NF1: variants seen among roughly 807,000 people sequenced by gnomAD.
NF1 encodes neurofibromin.
Under a neutral mutation model 325.7 loss-of-function variants are expected in NF1, and 122 were observed. The observed-to-expected ratio is 0.37, with a 90% CI of 0.32 to 0.44. The LOEUF is 0.44. NF1 is among the 20% of genes least tolerant of loss of function. The pLI, the probability that NF1 is intolerant of heterozygous loss-of-function variation, is 1.00. For missense variants in NF1, 2,140 were observed against 3,415.4 expected (o/e 0.63, Z 9.31); for synonymous variants, 1,091 against 1,186.0 (o/e 0.92, Z 1.65).
chr17:31,200,047 A>C (rs1290940365), intron 8 of NF1, among the ~76,000 whole-genome samples: 1 of 151,958 alleles, frequency 6.6e-6, no homozygotes, highest in Non-Finnish European at 1.5e-5. Flanking sequence ...GAGGCGGGAG[A>C]ATCGCTTGAC....
At chr17:31,096,730 A>G (rs1461687346) in intron 1 of NF1, among the ~76,000 whole-genome samples, 24 of 152,188 alleles carry the variant, frequency 1.6e-4, no homozygotes, top group Admixed American at 1.6e-3. Flanking sequence ...ATATCTTGGA[A>G]TAGACAGAGG....
chr17:31,364,949 T>C (rs1433303690), intron 57 of NF1, among the ~76,000 whole-genome samples: 1 of 152,192 alleles, frequency 6.6e-6, no homozygotes, highest in Non-Finnish European at 1.5e-5. Context: ...ATGATCCTTA[T>C]TAGGTCCAGT....
chr17:31,296,503 C>T lies in NF1; in HGVS notation c.4836-29317C>T. On this transcript the variant is annotated intron_variant, in intron 36 of 57. Coordinates refer to ENST00000358273, the MANE Select transcript of NF1 (RefSeq NM_001042492.3). Reference sequence around the variant, plus strand: ...ACAAAGCTCCCCTTCATTTATAGTCCAAATGCTTAATCCTTCAATTGGGCT... The same window carrying T: ...ACAAAGCTCCCCTTCATTTATAGTCTAAATGCTTAATCCTTCAATTGGGCT... The T allele has an allele frequency of 4.9e-5, 33 of 675,304 alleles. No individual in the cohort carries two copies. In the South Asian group the frequency reaches 5.3e-4, roughly 11 times the overall value. The allele number at this position is 675,304 out of a possible 1,614,324, so 41.8% of individuals were successfully genotyped here.
intron 36 of NF1, chr17:31,321,601 A>G (rs764711237): frequency 3.3e-5 from 5 of 152,158 alleles, no homozygotes; most frequent in Non-Finnish European, 5.9e-5. Flanking sequence ...ATGAGCCTTA[A>G]AGTAAATCTG....
intron 1 of NF1, among the ~76,000 whole-genome samples, chr17:31,139,460 A>G (rs990806427): frequency 1.3e-5 from 2 of 151,966 alleles, no homozygotes; most frequent in Admixed American, 6.6e-5. Flanking sequence ...TAATCATTTC[A>G]GAATGTATAC....
Position 31,325,836 on chromosome 17 carries a change from A to T in NF1, c.4852A>T (p.Ile1618Phe), listed in dbSNP as rs1208118952. 6.2e-7 allele frequency: 1 copy of T among 1,614,150 alleles called. No homozygotes were observed. The highest frequency in any genetic ancestry group is 8.5e-7 in the Non-Finnish European group (1 of 1,180,002). ...YVARRFKTGQ[I>F]NGDLLIYHVL... ...TTTCCTTAGGTTCAAAACTGGTCAAATCAATGGTGATTTGCTGATATACCA... is the reference window on the plus strand; with the variant it reads ...TTTCCTTAGGTTCAAAACTGGTCAATTCAATGGTGATTTGCTGATATACCA... The change falls in exon 37 of 58, where the codon ATC becomes TTC. Residue 1618 changes from isoleucine to phenylalanine, a missense_variant. Ile to Phe is a conservative substitution (Grantham distance 21). Coordinates refer to ENST00000358273, the MANE Select transcript of NF1 (RefSeq NM_001042492.3).
chr17:31,232,779 C>G lies in NF1; in HGVS notation c.3394C>G (p.Arg1132Gly), dbSNP rs587781725. The G allele has an allele frequency of 4.3e-6, 7 of 1,613,752 alleles. No homozygotes were observed. Among genetic ancestry groups the G allele is most frequent in the Non-Finnish European group, 5.9e-6 (7 of 1,179,918 alleles). Reference protein sequence around the residue: ...DESAQTGGRKRGMSRRLASLR... With the variant: ...DESAQTGGRKGGMSRRLASLR... ...AAGTGCGCAAACAGGTGGCAGGAAA[C>G]GTGGCATGTCTCGGAGGCTGGCATC... Residue 1132 changes from arginine to glycine, a missense_variant, in exon 26 of 58, where the codon CGT becomes GGT. Physicochemically the swap from Arg to Gly is moderately radical, Grantham distance 125 (BLOSUM62 -2). Transcript: ENST00000358273.
chr17:31,206,488 C>T (rs2066625936), intron 12 of NF1, 117 bp downstream of exon 12: 2 of 1,197,186 alleles, frequency 1.7e-6, no homozygotes, highest in African/African-American at 1.5e-5. Context: ...CCTTCATTTC[C>T]TCTAAATGTT....
At chr17:31,100,348 A>G (rs1174438951) in intron 1 of NF1, among the ~76,000 whole-genome samples, 2 of 152,154 alleles carry the variant, frequency 1.3e-5, no homozygotes, top group Non-Finnish European at 2.9e-5. Flanking sequence ...TGGATTTAAA[A>G]AATATCTCCT....
intron 36 of NF1, chr17:31,305,454 T>TGTTG: frequency 6.2e-7 from 1 of 1,614,184 alleles, no homozygotes; most frequent in Non-Finnish European, 8.5e-7. Flanking sequence ...AAGGATTCCC[T>TGTTG]GTTGTGTTTT....
chr17:31,143,767 A>G (rs779125540), intron 1 of NF1, among the ~76,000 whole-genome samples: 2 of 152,062 alleles, frequency 1.3e-5, no homozygotes, highest in Admixed American at 6.6e-5. Context: ...AGAGCTTAAC[A>G]GTATATTTCA....
intron 36 of NF1, among the ~76,000 whole-genome samples, chr17:31,316,815 T>C (rs1216089263): frequency 6.6e-6 from 1 of 152,226 alleles, no homozygotes; most frequent in Non-Finnish European, 1.5e-5. Flanking sequence ...ATAGATTTGT[T>C]TTTTACAAAT....
chr17:31,270,539 G>A (rs1218951496), intron 36 of NF1, among the ~76,000 whole-genome samples: 1 of 150,464 alleles, frequency 6.6e-6, no homozygotes, highest in Non-Finnish European at 1.5e-5. Flanking sequence ...GATCCTGGGA[G>A]GTCAAGACTG....
intron 8 of NF1, among the ~76,000 whole-genome samples, chr17:31,197,350 T>C (rs1371607254): frequency 6.6e-6 from 1 of 151,262 alleles, no homozygotes; most frequent in South Asian, 2.1e-4. Context: ...CTGGCTTTTT[T>C]TTTTTTTTTT....
chr17:31,313,784 A>G (rs1346508733), intron 36 of NF1, among the ~76,000 whole-genome samples: 1 of 151,632 alleles, frequency 6.6e-6, no homozygotes, highest in African/African-American at 2.4e-5. Context: ...AAAAGGTCTT[A>G]TACAAACCTA....
At chr17:31,236,349 C>T (rs1171461687) in intron 29 of NF1, among the ~76,000 whole-genome samples, 1 of 152,152 alleles carries the variant, frequency 6.6e-6, no homozygotes, top group East Asian at 1.9e-4. Flanking sequence ...CATGCATACT[C>T]TTTTTCTAAC....
intron 1 of NF1, among the ~76,000 whole-genome samples, chr17:31,115,954 C>A (rs1468635558): frequency 1.3e-5 from 2 of 152,078 alleles, no homozygotes; most frequent in East Asian, 3.9e-4. Context: ...CATTTTACTT[C>A]CACATTAAAA....
chr17:31,155,956 C>CT, intron 1 of NF1, 27 bp from the exon 2 acceptor site: 1 of 1,604,340 alleles, frequency 6.2e-7, no homozygotes, highest in Non-Finnish European at 8.5e-7. Flanking sequence ...AAGCTGTTAA[C>CT]GTGTTTTTTT....
chr17:31,343,636 A>C (rs187478937), intron 48 of NF1, among the ~76,000 whole-genome samples: 1 of 152,188 alleles, frequency 6.6e-6, no homozygotes, highest in Non-Finnish European at 1.5e-5. Context: ...TTCCAATTCA[A>C]ATATCAAATT....
Sources: allele counts gnomAD v4.1 joint callset (sites outside exome capture counted in the v4.1 genomes callset), GRCh38; gene constraint gnomAD v4.1.1; transcripts MANE v1.5; gene names NCBI Gene and HGNC (gene_info 2026-07-23, HGNC 2026-07-21).